GLT1D1: variants seen among roughly 807,000 people sequenced by gnomAD.
GLT1D1 encodes the protein glycosyltransferase 1 domain containing 1.
In GLT1D1, 21 loss-of-function variants were observed where a neutral mutation model predicts 28.7. That is an observed-to-expected ratio of 0.73 (90% CI 0.52 to 1.05). The LOEUF is 1.05. GLT1D1 is among the 50% of genes least tolerant of loss of function. The pLI is 0.00. For synonymous variants in GLT1D1, 147 were observed against 124.8 expected, an observed-to-expected ratio of 1.18 and a Z score of -1.19; for missense variants, 343 against 330.6, an observed-to-expected ratio of 1.04 and a Z score of -0.29.
Position 128,879,451 on chromosome 12 carries a change from T to C in GLT1D1, c.217+3389T>C, listed in dbSNP as rs560412383. Among the ~76,000 whole-genome samples, 592 of 127,618 alleles carry C rather than the reference T, an allele frequency of 4.6e-3. 17 individuals are homozygous for C. Among genetic ancestry groups the C allele is most frequent in the African/African-American group, 0.017 (559 of 32,638 alleles). 83.7% of individuals were successfully genotyped at this position (127,618 alleles called of 152,430 possible). ...CTTTCTTTCTTTCTTTCTTTCTTTC[T>C]TTCTTTCTTTTTTTTGGGGGGGTGG... On this transcript the variant is annotated intron_variant, in intron 2 of 7. Transcript: ENST00000281703.
intron 3 of GLT1D1, among the ~76,000 whole-genome samples, chr12:128,897,783 C>T (rs1321378956): frequency 6.6e-6 from 1 of 152,170 alleles, no homozygotes; most frequent in Admixed American, 6.5e-5. Context: ...ATCCTCCTGC[C>T]TCAGCCTCCC....
At chr12:128,938,725 A>T (rs967504826) in intron 4 of GLT1D1, among the ~76,000 whole-genome samples, 16 of 152,238 alleles carry the variant, frequency 1.1e-4, no homozygotes, top group African/African-American at 3.9e-4. Flanking sequence ...CCGGCTCATC[A>T]GGAGTAGCAG....
At chr12:128,899,819 C>G (rs470735) in intron 4 of GLT1D1, among the ~76,000 whole-genome samples, 1 of 152,146 alleles carries the variant, frequency 6.6e-6, no homozygotes, top group Non-Finnish European at 1.5e-5. Flanking sequence ...CCCAAAGTGC[C>G]GGGATTACAG....
chr12:128,963,928 C>A (rs899693450), intron 7 of GLT1D1, among the ~76,000 whole-genome samples: 1 of 152,214 alleles, frequency 6.6e-6, no homozygotes, highest in African/African-American at 2.4e-5. Context: ...TTAGTCTGTT[C>A]CGGCTGCAGT....
intron 4 of GLT1D1, chr12:128,944,380 G>C (rs185881988): frequency 9.8e-7 from 1 of 1,023,860 alleles, no homozygotes; most frequent in African/African-American, 1.6e-5. Context: ...TTCCAACACC[G>C]CTTTTTTTCT....
chr12:128,944,612 G>C, intron 4 of GLT1D1: 1 of 741,950 alleles, frequency 1.3e-6, no homozygotes, highest in African/African-American at 1.7e-5. Context: ...GACATATTCA[G>C]GTTAATCACT....
intron 7 of GLT1D1, among the ~76,000 whole-genome samples, chr12:128,975,830 A>C (rs1028424445): frequency 1.6e-4 from 25 of 152,200 alleles, no homozygotes; most frequent in African/African-American, 6.0e-4. Context: ...AATAACTTCA[A>C]TTCTCCTATA....
In GLT1D1 at chr12:128,897,825, T is replaced by C. The variant is rs12425366; in HGVS notation, c.324-1411T>C. Among the ~76,000 whole-genome samples, 69 of 151,994 alleles carry C rather than the reference T, an allele frequency of 4.5e-4. No individual in the cohort carries two copies. In the East Asian group the frequency reaches 5.7e-3, roughly 12 times the overall value. ...CTGGGACTACAGGCGCCCGCCACCA[T>C]GCCCGGCTAATTTTTTGTATTTTTA... On this transcript the variant is annotated intron_variant, in intron 3 of 7. Coordinates refer to ENST00000281703, the MANE Select transcript of GLT1D1 (RefSeq NM_144669.3).
At chr12:128,954,435 T>C (rs113559170) in intron 6 of GLT1D1, among the ~76,000 whole-genome samples, 10,890 of 152,104 alleles carry the variant, frequency 0.072, 691 homozygotes, top group African/African-American at 0.17. Context: ...CAGGCTAATA[T>C]AGCTTTAATA....
intron 4 of GLT1D1, among the ~76,000 whole-genome samples, chr12:128,939,816 G>T (rs1286839380): frequency 2.7e-5 from 4 of 145,624 alleles, no homozygotes; most frequent in Non-Finnish European, 6.0e-5. Context: ...AACACTGGGG[G>T]ATGTTGCCAA....
At chr12:128,956,471 A>C (rs1441763514) in intron 6 of GLT1D1, among the ~76,000 whole-genome samples, 3 of 152,172 alleles carry the variant, frequency 2.0e-5, no homozygotes, top group Non-Finnish European at 4.4e-5. Context: ...AAGTCAAAAA[A>C]TCCTAAGTCG....
chr12:128,934,839 G>A (rs1349796407), intron 4 of GLT1D1, among the ~76,000 whole-genome samples: 3 of 152,176 alleles, frequency 2.0e-5, no homozygotes, highest in Admixed American at 2.0e-4. Flanking sequence ...CCATGCCTCA[G>A]TCTCTGTCAT....
chr12:128,966,651 G>C (rs1023595314), intron 7 of GLT1D1, among the ~76,000 whole-genome samples: 6 of 152,202 alleles, frequency 3.9e-5, no homozygotes, highest in African/African-American at 1.4e-4. Context: ...CACTAAATGT[G>C]TGTTGACAGG....
In GLT1D1 at chr12:128,930,626, C is replaced by T. The variant is rs541906508; in HGVS notation, c.376-14700C>T. 4.3e-4 allele frequency among the ~76,000 whole-genome samples: 66 copies of T among 152,276 alleles called. 1 individual carries two copies. In the South Asian group the frequency reaches 0.013, roughly 31 times the overall value. On this transcript the variant is annotated intron_variant, in intron 4 of 7. Transcript: ENST00000281703. ...TGATCATCCACAAACACTGAACTGA[C>T]GATCATCTGGTCGCAATGTCTGGCT...
At chr12:128,944,538 G>A in intron 4 of GLT1D1, 1 of 821,998 alleles carries the variant, frequency 1.2e-6, no homozygotes, top group Non-Finnish European at 2.1e-6. Context: ...ATCCAATGTT[G>A]TAGACTTGGC....
At chr12:128,860,008 A>G (rs1328957575) in intron 1 of GLT1D1, among the ~76,000 whole-genome samples, 2 of 152,314 alleles carry the variant, frequency 1.3e-5, no homozygotes, top group Non-Finnish European at 2.9e-5. Flanking sequence ...ATTCTTCAGT[A>G]TAAAGTGTTC....
intron 7 of GLT1D1, among the ~76,000 whole-genome samples, chr12:128,970,261 G>C (rs1446823483): frequency 6.6e-6 from 1 of 152,162 alleles, no homozygotes; most frequent in Non-Finnish European, 1.5e-5. Context: ...TTGCAGGTGC[G>C]TGCACAAGCA....
chr12:128,860,196 C>T (rs903818630), intron 1 of GLT1D1, among the ~76,000 whole-genome samples: 15 of 152,224 alleles, frequency 9.9e-5, no homozygotes, highest in African/African-American at 3.4e-4. Context: ...CGCGGTGGCT[C>T]ACGCCTGTAA....
chr12:128,951,896 C>T (rs1385884942), intron 6 of GLT1D1, among the ~76,000 whole-genome samples: 2 of 152,206 alleles, frequency 1.3e-5, no homozygotes, highest in African/African-American at 2.4e-5. Context: ...CATTTCACGT[C>T]GTGAGTGGGT....
Sources: allele counts gnomAD v4.1 joint callset (sites outside exome capture counted in the v4.1 genomes callset), GRCh38; gene constraint gnomAD v4.1.1; transcripts MANE v1.5; gene names NCBI Gene and HGNC (gene_info 2026-07-23, HGNC 2026-07-21).